The following DHCR24 variants were observed in gnomAD, a reference collection of about 807,000 sequenced individuals.
DHCR24 encodes the protein 24-dehydrocholesterol reductase.
A neutral mutation model predicts 61.2 loss-of-function variants in DHCR24; 28 were observed. The ratio of observed to expected loss-of-function variants is 0.46; its 90% confidence interval spans 0.34 to 0.63. The LOEUF (loss-of-function observed/expected upper bound fraction) is 0.63, where lower values mean the gene tolerates loss of function less well. Ranked by LOEUF, DHCR24 falls within the 20% of genes least tolerant of loss-of-function variation. DHCR24 has a pLI of 0.01. For synonymous variants in DHCR24, 261 were observed against 275.9 expected, an observed-to-expected ratio of 0.95 and a Z score of 0.54; for missense variants, 538 against 679.1, an observed-to-expected ratio of 0.79 and a Z score of 2.31.
intron 3 of DHCR24, 62 bp from the exon 4 acceptor site, chr1:54,875,273 TTGG>T: frequency 6.5e-7 from 1 of 1,531,654 alleles, no homozygotes. Context: ...TGGGGGTGGG[TTGG>T]AGCTGGGGGG....
At chr1:54,874,965 T>C in intron 4 of DHCR24, 128 bp downstream of exon 4, 1 of 831,028 alleles carries the variant, frequency 1.2e-6, no homozygotes, top group South Asian at 1.3e-5. Flanking sequence ...AAATTTTTGT[T>C]TACAGATATA....
At chr1:54,877,611 A>C (rs913711960) in intron 2 of DHCR24, among the ~76,000 whole-genome samples, 33 of 151,890 alleles carry the variant, frequency 2.2e-4, no homozygotes, top group African/African-American at 7.7e-4. Flanking sequence ...AAATTATTTT[A>C]AAAAAAGGTG....
rs750877322 is a variant in DHCR24, at chr1:54,854,273, A to G, written c.1021-39T>C. On this transcript the variant is annotated intron_variant, in intron 6 of 8. Coordinates refer to ENST00000371269, the MANE Select transcript of DHCR24 (RefSeq NM_014762.4). ...ATTAGGGTTGGAGAGAAAAAAACCAACAAGGGTTGAATGTCTCCAAGTGCA... is the reference window on the plus strand; with the variant it reads ...ATTAGGGTTGGAGAGAAAAAAACCAGCAAGGGTTGAATGTCTCCAAGTGCA... 3.2e-6 allele frequency: 5 copies of G among 1,581,080 alleles called. No individual in the cohort carries two copies. In the Admixed American group the frequency reaches 6.7e-5, roughly 21 times the overall value.
intron 4 of DHCR24, among the ~76,000 whole-genome samples, chr1:54,872,263 C>T (rs1048962735): frequency 2.0e-5 from 3 of 152,222 alleles, no homozygotes; most frequent in Non-Finnish European, 2.9e-5. Flanking sequence ...TCCTACAACA[C>T]CTCATCTGCT....
At chr1:54,872,075 A>G (rs1647003077) in intron 4 of DHCR24, among the ~76,000 whole-genome samples, 2 of 152,308 alleles carry the variant, frequency 1.3e-5, no homozygotes, top group East Asian at 1.9e-4. Flanking sequence ...TTCCCAGTCC[A>G]TCGGCTTGTG....
intron 6 of DHCR24, among the ~76,000 whole-genome samples, chr1:54,858,037 A>G (rs1251351248): frequency 6.6e-6 from 1 of 152,226 alleles, no homozygotes; most frequent in Non-Finnish European, 1.5e-5. Flanking sequence ...GAGAAGAGTT[A>G]TCCCAGCAGA....
chr1:54,877,827 T>C (rs1472476057), intron 2 of DHCR24, among the ~76,000 whole-genome samples: 4 of 151,308 alleles, frequency 2.6e-5, no homozygotes, highest in African/African-American at 9.7e-5. Context: ...CCCGACAACA[T>C]GGCAAAAACC....
chr1:54,875,390 G>A (rs899911984), intron 3 of DHCR24, among the ~76,000 whole-genome samples, 179 bp from the exon 4 acceptor site: 14 of 152,122 alleles, frequency 9.2e-5, no homozygotes, highest in African/African-American at 2.4e-4. Context: ...GGAAGGAGGG[G>A]CTCAGATGGG....
At chr1:54,886,488 T>G in intron 1 of DHCR24, 37 of 783,948 alleles carry the variant, frequency 4.7e-5, no homozygotes, top group East Asian at 1.2e-4. Flanking sequence ...CTTCCCAGCA[T>G]TTGCTCACAC....
chr1:54,877,474 A>G, intron 2 of DHCR24, among the ~76,000 whole-genome samples: 1 of 151,844 alleles, frequency 6.6e-6, no homozygotes, highest in Admixed American at 6.5e-5. Flanking sequence ...GTGGACATAA[A>G]CAATTAAAGT....
rs1647076864 is a variant in DHCR24, at chr1:54,883,703, G to A, written c.302C>T (p.Ser101Leu). The change falls in exon 2 of 9, where the codon TCA (serine) becomes TTA (leucine). Residue 101 changes from serine (S) to leucine (L), a missense_variant. Transcript: ENST00000371269. The surrounding 1 kb of genome is among the most constrained non-coding windows in gnomAD (Gnocchi z 4.3). ...CTGRPGWLTV[S>L]LRVGKYKKTH... Reference sequence around the variant, plus strand: ...CTTCTTGTACTTCCCGACACGTAGTGAGACAGTGAGCCAGCCAGGGCGCCC... The same window carrying A: ...CTTCTTGTACTTCCCGACACGTAGTAAGACAGTGAGCCAGCCAGGGCGCCC... 1 of 1,614,124 alleles carries A rather than the reference G, an allele frequency of 6.2e-7. No homozygotes were observed. The highest frequency in any genetic ancestry group is 8.5e-7 in the Non-Finnish European group (1 of 1,180,056).
At position 54,854,046 on chromosome 1, in the gene DHCR24, G is replaced by A. The variant is rs566854149; in HGVS notation, c.1209C>T (p.Asn403=). Reference sequence around the variant, plus strand: ...GCCCTGCCCCACTCACGTGGATGTCGTTTTGGAAGGTGTGCAGGGCCTGCT... The same window carrying A: ...GCCCTGCCCCACTCACGTGGATGTCATTTTGGAAGGTGTGCAGGGCCTGCT... ...CLQQALHTFQ[N]DIHVYPIWLC... is the part of the protein sequence containing the mutation. The change falls in exon 7 of 9, where the codon AAC becomes AAT. Residue 403 remains asparagine, a synonymous_variant. Coordinates refer to ENST00000371269, the MANE Select transcript of DHCR24 (RefSeq NM_014762.4). The A allele has an allele frequency of 2.0e-5, 33 of 1,612,874 alleles. No homozygotes were observed. The highest frequency in any genetic ancestry group is 1.1e-4 in the African/African-American group (8 of 75,022).
Position 54,879,352 on chromosome 1 carries a change from A to AAG in DHCR24, c.388-3306_388-3305insCT, listed in dbSNP as rs573285056. Among the ~76,000 whole-genome samples the AAG allele has an allele frequency of 6.0e-4, 77 of 128,226 alleles. 4 individuals are homozygous for AAG. Among genetic ancestry groups the AAG allele is most frequent in the African/African-American group, 2.2e-3 (71 of 32,292 alleles). The allele number at this position is 128,226 out of a possible 152,430, so 84.1% of individuals were successfully genotyped here. A position where few individuals can be genotyped will look rare whatever the true frequency, so the allele number is the denominator to read the frequency against. ...AAAAAAAAAAAAAAAAAAAAAAAAA[A>AAG]TCCAAATCAAACTTCTGGAAATGAA... On this transcript the variant is annotated intron_variant, in intron 2 of 8. Coordinates refer to ENST00000371269, the MANE Select transcript of DHCR24 (RefSeq NM_014762.4).
intron 2 of DHCR24, among the ~76,000 whole-genome samples, chr1:54,882,647 G>C (rs1474465131): frequency 1.3e-5 from 2 of 152,232 alleles, no homozygotes; most frequent in Non-Finnish European, 2.9e-5. Context: ...ATATGTGTGG[G>C]AATATGACTC....
At chr1:54,884,825 C>T (rs1330221333) in intron 1 of DHCR24, among the ~76,000 whole-genome samples, 2 of 152,122 alleles carry the variant, frequency 1.3e-5, no homozygotes, top group Non-Finnish European at 2.9e-5. Context: ...TTACTGGGGT[C>T]GCTAAGCCGG....
chr1:54,879,332 A>AGGG lies in DHCR24; in HGVS notation c.388-3286_388-3285insCCC, dbSNP rs1557439381. Among the ~76,000 whole-genome samples, 8 of 78,034 alleles carry AGGG rather than the reference A, an allele frequency of 1.0e-4. 1 individual carries two copies. Among genetic ancestry groups the AGGG allele is most frequent in the Non-Finnish European group, 2.1e-4 (8 of 37,946 alleles). The allele number at this position is 78,034 out of a possible 152,430, so 51.2% of individuals were successfully genotyped here. A position where few individuals can be genotyped will look rare whatever the true frequency, so the allele number is the denominator to read the frequency against. On this transcript the variant is annotated intron_variant, in intron 2 of 8. Coordinates refer to ENST00000371269, the MANE Select transcript of DHCR24 (RefSeq NM_014762.4). ...AGCAAGACTCCATCTGAAAAAAAAA[A>AGGG]AAAAAAAAAAAAAAAAAAAATCCAA...
chr1:54,875,167 A>G lies in DHCR24; in HGVS notation c.538T>C (p.Tyr180His). Residue 180 changes from tyrosine to histidine, a missense_variant, in exon 4 of 9, where the codon TAC becomes CAC. Transcript: ENST00000371269. ...GTGIESSSHK[Y>H]GLFQHICTAY... is the part of the protein sequence containing the mutation. ...GTGCAGATGTGTTGGAACAGGCCGT[A>G]CTTGTGGGATGATGACTCGATGCCT... 6.2e-7 allele frequency: 1 copy of G among 1,614,204 alleles called. No homozygotes were observed. The highest frequency in any genetic ancestry group is 8.5e-7 in the Non-Finnish European group (1 of 1,180,038).
chr1:54,860,844 C>G (rs1646933162), intron 6 of DHCR24, among the ~76,000 whole-genome samples: 1 of 150,050 alleles, frequency 6.7e-6, no homozygotes, highest in African/African-American at 2.4e-5. Context: ...AAAAATTAGC[C>G]AGGTGCAGTG....
Position 54,852,198 on chromosome 1 carries a change from C to G in DHCR24, c.*35G>C. On this transcript the variant is annotated 3_prime_UTR_variant, in exon 9 of 9. Transcript: ENST00000371269. Reference sequence around the variant, plus strand: ...TGAGTGAAGGGAAGATGCCTGACCACTCACACGTGTCTGTCTCTCCAGGCG... The same window carrying G: ...TGAGTGAAGGGAAGATGCCTGACCAGTCACACGTGTCTGTCTCTCCAGGCG... The G allele has an allele frequency of 1.2e-6, 2 of 1,613,760 alleles. 1 individual carries two copies. Among genetic ancestry groups the G allele is most frequent in the South Asian group, 2.2e-5 (2 of 91,082 alleles).
Sources: gnomAD v4.1 joint callset for allele counts (sites outside exome capture counted in the v4.1 genomes callset) on GRCh38, gnomAD v4.1.1 for gene constraint, Gnocchi (gnomAD v3.1) non-coding constraint, MANE v1.5 for transcripts, NCBI Gene and HGNC (gene_info 2026-07-23, HGNC 2026-07-21) for gene names.